RP1: variants seen among roughly 807,000 people sequenced by gnomAD.
RP1 encodes the protein oxygen-regulated protein 1.
Under a neutral mutation model 14.8 loss-of-function variants are expected in RP1, and 16 were observed. The observed-to-expected ratio is 1.08, with a 90% CI of 0.73 to 1.65. The LOEUF (loss-of-function observed/expected upper bound fraction) is 1.65. RP1 is among the 40% of genes most tolerant of loss of function. The pLI is 0.00. For missense variants in RP1, 2,631 were observed against 2,535.0 expected (o/e 1.04, Z -0.81); for synonymous variants, 876 against 883.6 (o/e 0.99, Z 0.15).
At chr8:54,783,752 G>A in intron 24 of RP1, 1 of 1,145,716 alleles carries the variant, frequency 8.7e-7, no homozygotes, top group East Asian at 3.2e-5. Context: ...AAGATATATT[G>A]TGATATACAT....
intron 1 of RP1, among the ~76,000 whole-genome samples, chr8:54,584,425 G>A (rs1408271184): frequency 6.6e-6 from 1 of 152,136 alleles, no homozygotes; most frequent in Non-Finnish European, 1.5e-5. Context: ...TTCCAACTAT[G>A]TGGTCAATTT....
chr8:54,777,819 G>A (rs1167198936), intron 23 of RP1, among the ~76,000 whole-genome samples: 1 of 151,980 alleles, frequency 6.6e-6, no homozygotes, highest in African/African-American at 2.4e-5. Flanking sequence ...TTGAAAATGT[G>A]GATCATACAA....
At chr8:54,592,096 A>G (rs1187091293) in intron 1 of RP1, among the ~76,000 whole-genome samples, 1 of 152,198 alleles carries the variant, frequency 6.6e-6, no homozygotes, top group Non-Finnish European at 1.5e-5. Context: ...ATTTTTGCAA[A>G]CAACCCACCA....
chr8:54,673,155 C>T (rs550896405), intron 7 of RP1, among the ~76,000 whole-genome samples: 12 of 152,146 alleles, frequency 7.9e-5, no homozygotes, highest in Admixed American at 3.3e-4. Context: ...TGGATCTGTG[C>T]GTCAACTATC....
intron 24 of RP1, among the ~76,000 whole-genome samples, chr8:54,786,503 G>A (rs1190275142): frequency 6.6e-6 from 1 of 151,988 alleles, no homozygotes; most frequent in East Asian, 1.9e-4. Context: ...CAGTTTTCAA[G>A]ACTATTGTGG....
intron 1 of RP1, among the ~76,000 whole-genome samples, chr8:54,597,924 A>C (rs1805185564): frequency 6.6e-6 from 1 of 151,992 alleles, no homozygotes; most frequent in Non-Finnish European, 1.5e-5. Context: ...ATTTTATCAC[A>C]TCTGTAACCA....
chr8:54,575,808 GC>G (rs1175305596), intron 1 of RP1, among the ~76,000 whole-genome samples: 6 of 151,830 alleles, frequency 4.0e-5, no homozygotes, highest in African/African-American at 1.5e-4. Flanking sequence ...CTCAAGTGGG[GC>G]CCCAGTGTTT....
chr8:54,637,831 A>G (rs930491557), intron 3 of RP1, among the ~76,000 whole-genome samples: 1 of 152,134 alleles, frequency 6.6e-6, no homozygotes, highest in East Asian at 1.9e-4. Flanking sequence ...TTAAAAATGG[A>G]CTACCATTTA....
intron 6 of RP1, among the ~76,000 whole-genome samples, chr8:54,660,862 G>A (rs1806873516): frequency 6.6e-6 from 1 of 151,924 alleles, no homozygotes; most frequent in South Asian, 2.1e-4. Context: ...TGTCTTTTAA[G>A]TTCTTACATG....
intron 27 of RP1, among the ~76,000 whole-genome samples, chr8:54,861,194 T>C (rs1218255093): frequency 1.3e-5 from 2 of 152,244 alleles, no homozygotes; most frequent in African/African-American, 4.8e-5. Flanking sequence ...GATAACCCAC[T>C]ACCTAATGTA....
intron 23 of RP1, chr8:54,781,129 G>A (rs1479296144): frequency 1.5e-6 from 1 of 668,398 alleles, no homozygotes; most frequent in Non-Finnish European, 1.8e-6. Flanking sequence ...TTAAATGAAA[G>A]ACATTGCTAT....
chr8:54,694,627 C>T (rs1019595361), intron 12 of RP1, among the ~76,000 whole-genome samples: 24 of 152,300 alleles, frequency 1.6e-4, no homozygotes, highest in African/African-American at 5.3e-4. Context: ...GTAGTATTCT[C>T]TGATGGTAGT....
At chr8:54,582,768 G>A (rs1804826951) in intron 1 of RP1, among the ~76,000 whole-genome samples, 1 of 152,142 alleles carries the variant, frequency 6.6e-6, no homozygotes, top group African/African-American at 2.4e-5. Context: ...TGAAGCAATT[G>A]TGAATGGGAG....
intron 24 of RP1, among the ~76,000 whole-genome samples, chr8:54,820,416 T>C (rs1409245383): frequency 6.6e-6 from 1 of 152,174 alleles, no homozygotes; most frequent in African/African-American, 2.4e-5. Flanking sequence ...GACCCTAGAC[T>C]GCTTTAGTCT....
chr8:54,843,906 C>T (rs1039669167), intron 25 of RP1, among the ~76,000 whole-genome samples: 2 of 152,174 alleles, frequency 1.3e-5, no homozygotes, highest in Non-Finnish European at 2.9e-5. Flanking sequence ...ATGGCTAAGA[C>T]TAAGGGACTA....
At chr8:54,804,435 G>T (rs533224071) in intron 24 of RP1, among the ~76,000 whole-genome samples, 5 of 152,242 alleles carry the variant, frequency 3.3e-5, no homozygotes, top group African/African-American at 1.2e-4. Flanking sequence ...TGCTAGTTTT[G>T]ATATGGATGA....
intron 24 of RP1, among the ~76,000 whole-genome samples, chr8:54,803,336 G>T (rs1242618064): frequency 1.3e-5 from 2 of 152,088 alleles, no homozygotes; most frequent in East Asian, 3.9e-4. Flanking sequence ...AACACAATTA[G>T]ATGTCACAGA....
chr8:54,776,705 T>A (rs1810049657), intron 23 of RP1, among the ~76,000 whole-genome samples: 1 of 152,114 alleles, frequency 6.6e-6, no homozygotes, highest in South Asian at 2.1e-4. Context: ...GAATTTGGGA[T>A]GAGGACAAGG....
chr8:54,658,386 C>T (rs1015293836), intron 6 of RP1, among the ~76,000 whole-genome samples: 39 of 150,472 alleles, frequency 2.6e-4, no homozygotes, highest in Admixed American at 6.6e-4. Context: ...CCCGTCTCTA[C>T]TAAAAATACA....
Sources: gnomAD v4.1 joint callset for allele counts (sites outside exome capture counted in the v4.1 genomes callset) on GRCh38, gnomAD v4.1.1 for gene constraint, MANE v1.5 for transcripts, NCBI Gene and HGNC (gene_info 2026-07-23, HGNC 2026-07-21) for gene names.